The following ZNF804B variants were observed in gnomAD, a reference collection of about 807,000 sequenced individuals.
ZNF804B encodes zinc finger protein 804B.
ZNF804B carries 80 observed loss-of-function variants against 101.4 expected under a neutral mutation model. That is an observed-to-expected ratio of 0.79 (90% CI 0.66 to 0.95). ZNF804B has a LOEUF of 0.95. ZNF804B is among the 40% of genes least tolerant of loss of function. ZNF804B has a pLI of 0.00. For synonymous variants in ZNF804B, 622 were observed against 558.8 expected, an observed-to-expected ratio of 1.11 and a Z score of -1.59; for missense variants, 1,673 against 1,561.9, an observed-to-expected ratio of 1.07 and a Z score of -1.20.
chr7:88,985,477 T>C (rs1793746602), intron 1 of ZNF804B, among the ~76,000 whole-genome samples: 1 of 151,746 alleles, frequency 6.6e-6, no homozygotes, highest in Non-Finnish European at 1.5e-5. Context: ...AAGGTCAGAG[T>C]GTAAAGGGTG....
intron 1 of ZNF804B, among the ~76,000 whole-genome samples, chr7:88,961,375 A>T (rs1348604144): frequency 6.6e-6 from 1 of 151,346 alleles, no homozygotes; most frequent in African/African-American, 2.4e-5. Context: ...TTCTCCAATT[A>T]AGCCTCATAG....
At chr7:89,126,714 G>A (rs1790479513) in intron 1 of ZNF804B, among the ~76,000 whole-genome samples, 1 of 151,682 alleles carries the variant, frequency 6.6e-6, no homozygotes, top group South Asian at 2.1e-4. Flanking sequence ...TCCTTTTATA[G>A]ATTCGGAGTA....
At chr7:88,952,372 A>G (rs968722620) in intron 1 of ZNF804B, among the ~76,000 whole-genome samples, 3 of 151,858 alleles carry the variant, frequency 2.0e-5, no homozygotes, top group Admixed American at 2.0e-4. Flanking sequence ...AATAAAAGCA[A>G]TTTATTAATA....
At chr7:89,076,153 G>A (rs1407039004) in intron 1 of ZNF804B, among the ~76,000 whole-genome samples, 1 of 152,140 alleles carries the variant, frequency 6.6e-6, no homozygotes, top group Non-Finnish European at 1.5e-5. Context: ...AGAAACCGTT[G>A]GGAAGGCATG....
At chr7:89,255,127 G>C (rs187270309) in intron 2 of ZNF804B, among the ~76,000 whole-genome samples, 2 of 152,302 alleles carry the variant, frequency 1.3e-5, no homozygotes, top group Admixed American at 6.5e-5. Context: ...AGTCATGGAG[G>C]AAGGAAGAGG....
intron 1 of ZNF804B, among the ~76,000 whole-genome samples, chr7:89,176,591 C>CTTTTT (rs35866405): frequency 6.5e-4 from 47 of 71,918 alleles, no homozygotes; most frequent in African/African-American, 1.3e-3. Flanking sequence ...TTCTTTCTTT[C>CTTTTT]TTTTTTTTTT....
At chr7:88,876,724 T>TA (rs1562820151) in intron 1 of ZNF804B, among the ~76,000 whole-genome samples, 1 of 152,006 alleles carries the variant, frequency 6.6e-6, no homozygotes, top group East Asian at 1.9e-4. Flanking sequence ...AAACATGGGC[T>TA]GTGCTTTCAT....
chr7:88,760,229 G>C, intron 1 of ZNF804B, 145 bp downstream of exon 1: 1 of 651,568 alleles, frequency 1.5e-6, no homozygotes, highest in South Asian at 1.9e-5. Flanking sequence ...GAGATACATC[G>C]TGTCCGTTTA....
chr7:88,954,812 G>A (rs1379791208), intron 1 of ZNF804B, among the ~76,000 whole-genome samples: 3 of 151,808 alleles, frequency 2.0e-5, no homozygotes, highest in African/African-American at 7.2e-5. Context: ...TTAACAGTGG[G>A]TAATTCACTT....
chr7:89,022,379 A>G (rs575216501), intron 1 of ZNF804B, among the ~76,000 whole-genome samples: 2 of 152,342 alleles, frequency 1.3e-5, no homozygotes, highest in East Asian at 1.9e-4. Flanking sequence ...AAATCCCAGT[A>G]AAATCTGTAA....
At position 89,189,572 on chromosome 7, in the gene ZNF804B, T is replaced by C. The variant is rs117239131; in HGVS notation, c.109-28583T>C. On this transcript the variant is annotated intron_variant, in intron 1 of 3. Transcript: ENST00000333190. ...CCTCATCGGTTTACAGAAATGACAA[T>C]GATTAGTGATTATCTATACATTGTG... Among the ~76,000 whole-genome samples the C allele has an allele frequency of 5.6e-3, 856 of 152,234 alleles. 3 individuals carry two copies. The highest frequency in any genetic ancestry group is 8.3e-3 in the Admixed American group (127 of 15,276).
At chr7:89,326,260 G>C (rs1790894153) in intron 2 of ZNF804B, among the ~76,000 whole-genome samples, 1 of 151,926 alleles carries the variant, frequency 6.6e-6, no homozygotes, top group African/African-American at 2.4e-5. Context: ...TTCTCTCTTT[G>C]AAAGACCGAT....
intron 1 of ZNF804B, among the ~76,000 whole-genome samples, chr7:88,910,500 A>G (rs1792532651): frequency 6.6e-6 from 1 of 151,926 alleles, no homozygotes; most frequent in Non-Finnish European, 1.5e-5. Flanking sequence ...TTTAACCATC[A>G]AATAATCCTA....
intron 1 of ZNF804B, among the ~76,000 whole-genome samples, chr7:88,934,280 C>T (rs1017214014): frequency 1.3e-5 from 2 of 151,650 alleles, no homozygotes; most frequent in African/African-American, 4.8e-5. Context: ...GGATCAAAGA[C>T]CTGAAGTCAA....
chr7:88,908,319 G>A (rs141832024), intron 1 of ZNF804B, among the ~76,000 whole-genome samples: 52 of 151,100 alleles, frequency 3.4e-4, no homozygotes, highest in African/African-American at 1.2e-3. Context: ...TTTTCTACTT[G>A]TTTGATCCTG....
intron 1 of ZNF804B, among the ~76,000 whole-genome samples, chr7:88,948,473 C>G (rs992811226): frequency 6.6e-6 from 1 of 151,636 alleles, no homozygotes; most frequent in Admixed American, 6.6e-5. Context: ...AAAGAAATAC[C>G]TGGTAACTGA....
At chr7:89,125,487 A>T (rs1790464511) in intron 1 of ZNF804B, among the ~76,000 whole-genome samples, 1 of 152,060 alleles carries the variant, frequency 6.6e-6, no homozygotes, top group African/African-American at 2.4e-5. Context: ...TTCATTAAAA[A>T]AATTCTAACA....
chr7:89,256,679 G>A (rs1286292662), intron 2 of ZNF804B, among the ~76,000 whole-genome samples: 1 of 152,088 alleles, frequency 6.6e-6, no homozygotes, highest in Non-Finnish European at 1.5e-5. Context: ...AGGATGCATA[G>A]GATATTATTT....
chr7:88,862,513 A>G (rs1791665098), intron 1 of ZNF804B, among the ~76,000 whole-genome samples: 1 of 152,194 alleles, frequency 6.6e-6, no homozygotes, highest in African/African-American at 2.4e-5. Flanking sequence ...AATACTATAG[A>G]TACAACAAAA....
Sources: allele counts gnomAD v4.1 joint callset (sites outside exome capture counted in the v4.1 genomes callset), GRCh38; gene constraint gnomAD v4.1.1; transcripts MANE v1.5; gene names NCBI Gene and HGNC (gene_info 2026-07-23, HGNC 2026-07-21).